RPS8: variants seen among roughly 807,000 people sequenced by gnomAD.
The protein encoded by RPS8 is ribosomal protein S8.
For synonymous variants in RPS8, 100 were observed against 100.7 expected (o/e 0.99, Z 0.04); for missense variants, 141 against 269.7 (o/e 0.52, Z 3.34).
At position 44,776,777 on chromosome 1, in the gene RPS8, G is replaced by A; in HGVS notation, c.211+3G>A. ...GAATTTCTCCTGGGGCTCAGAGTGT[G>A]AGTGAGGCCCTTTGGGAGTGGGTGG... is the stretch of plus-strand genomic sequence containing the variant. On this transcript the variant is annotated splice_donor_region_variant and intron_variant, in intron 3 of 5. Transcript: ENST00000396651. 1 of 1,595,076 alleles carries A rather than the reference G, an allele frequency of 6.3e-7. No individual in the cohort carries two copies. The highest frequency in any genetic ancestry group is 1.1e-5 in the South Asian group (1 of 89,468).
In RPS8 at chr1:44,776,794, A is replaced by G. The variant is rs115967171; in HGVS notation, c.211+20A>G. 6.6e-4 allele frequency: 1,025 copies of G among 1,560,822 alleles called. 6 individuals carry two copies. The African/African-American group carries it at 9.4e-3, about 14-fold the overall frequency. On this transcript the variant is annotated intron_variant, in intron 3 of 5. Coordinates refer to ENST00000396651, the MANE Select transcript of RPS8 (RefSeq NM_001012.2). ...CAGAGTGTGAGTGAGGCCCTTTGGG[A>G]GTGGGTGGGAAAACGCACCTAAACG... is the stretch of plus-strand genomic sequence containing the variant.
chr1:44,776,967 T>G (rs1650878256), intron 3 of RPS8, 193 bp downstream of exon 3: 1 of 516,658 alleles, frequency 1.9e-6, no homozygotes, highest in Non-Finnish European at 3.4e-6. Flanking sequence ...AAAAAAAGAT[T>G]CAAGTGCTTT....
Position 44,778,586 on chromosome 1 carries a change from T to A in RPS8, c.528T>A (p.Ala176=), listed in dbSNP as rs766291637. The change falls in exon 6 of 6, where the codon GCT becomes GCA. Residue 176 remains alanine, a synonymous_variant. Transcript: ENST00000396651. ...FQQGKLLACI[A]SRPGQCGRAD... ...CCTACTCTCTTGCAGCGTGCATCGC[T>A]TCAAGGCCGGGACAGTGTGGCCGAG... 6.2e-7 allele frequency: 1 copy of A among 1,613,874 alleles called. No homozygotes were observed. Among genetic ancestry groups the A allele is most frequent in the Non-Finnish European group, 8.5e-7 (1 of 1,179,782 alleles).
intron 4 of RPS8, 57 bp downstream of exon 4, chr1:44,777,846 C>A (rs763237517): frequency 6.3e-7 from 1 of 1,592,480 alleles, no homozygotes. Flanking sequence ...CCAGCCTTCT[C>A]GTGATGAAAA....
intron 3 of RPS8, 63 bp from the exon 4 acceptor site, chr1:44,777,551 G>C (rs1650900436): frequency 2.2e-6 from 3 of 1,355,098 alleles, no homozygotes; most frequent in Non-Finnish European, 3.1e-6. Context: ...GAAGAACCTG[G>C]AGGAGTGTGC....
intron 2 of RPS8, 106 bp from the exon 3 acceptor site, chr1:44,776,569 C>T (rs377221663): frequency 1.1e-6 from 1 of 942,320 alleles, no homozygotes; most frequent in Non-Finnish European, 1.8e-6. Flanking sequence ...AATGCAAGGA[C>T]TTGTCATAGT....
intron 3 of RPS8, 63 bp from the exon 4 acceptor site, chr1:44,777,551 G>A (rs1650900436): frequency 5.2e-6 from 7 of 1,355,216 alleles, no homozygotes; most frequent in Non-Finnish European, 7.3e-6. Context: ...GAAGAACCTG[G>A]AGGAGTGTGC....
At chr1:44,777,473 C>T (rs1183640049) in intron 3 of RPS8, 141 bp from the exon 4 acceptor site, 10 of 692,246 alleles carry the variant, frequency 1.4e-5, no homozygotes, top group African/African-American at 3.6e-5. Context: ...TTGTGGAAGA[C>T]GAACTGATGC....
chr1:44,776,264 C>G, intron 2 of RPS8, 124 bp downstream of exon 2: 1 of 692,712 alleles, frequency 1.4e-6, no homozygotes, highest in East Asian at 2.7e-5. Flanking sequence ...GTAGTAGGGC[C>G]TGGGTGTCCT....
In RPS8 at chr1:44,775,552, GAA is replaced by G; in HGVS notation, c.-44_-43del. 6.2e-7 allele frequency: 1 copy of G among 1,613,854 alleles called. No individual in the cohort carries two copies. The highest frequency in any genetic ancestry group is 8.5e-7 in the Non-Finnish European group (1 of 1,179,752). On this transcript the variant is annotated 5_prime_UTR_variant, in exon 1 of 6. Coordinates refer to ENST00000396651, the MANE Select transcript of RPS8 (RefSeq NM_001012.2). Reference sequence around the variant, plus strand: ...GGGGCGGGGCAGCGTTTTACAAACCGAACCGTGAATCTTTGCGGTTTCTCTTT... The same window carrying G: ...GGGGCGGGGCAGCGTTTTACAAACCGCCGTGAATCTTTGCGGTTTCTCTTT...
intron 2 of RPS8, chr1:44,776,447 G>A (rs1279027795): frequency 2.6e-6 from 2 of 756,384 alleles, no homozygotes; most frequent in Non-Finnish European, 4.8e-6. Context: ...TTTTACAGAG[G>A]CTTAATTTTC....
chr1:44,778,284 T>A, intron 5 of RPS8, 155 bp downstream of exon 5: 1 of 971,542 alleles, frequency 1.0e-6, no homozygotes, highest in Non-Finnish European at 1.7e-6. Flanking sequence ...TTGGTCACCC[T>A]ATTCGTATGA....
rs192753721 is a variant in RPS8 at position 44,776,479 on chromosome 1, C to T, written c.112-196C>T. The T allele has an allele frequency of 2.2e-5, 17 of 763,918 alleles. No homozygotes were observed. The Admixed American group carries it at 2.4e-4, about 11-fold the overall frequency. The allele number at this position is 763,918 out of a possible 1,614,324, so 47.3% of individuals were successfully genotyped here. A position where few individuals can be genotyped will look rare whatever the true frequency, so the allele number is the denominator to read the frequency against. On this transcript the variant is annotated intron_variant, in intron 2 of 5. Coordinates refer to ENST00000396651, the MANE Select transcript of RPS8 (RefSeq NM_001012.2). ...TTTCAGCATTTGGGGTCAGGCTTTC[C>T]TCTTGGAGGCAAGTAGGGTGATGAA...
chr1:44,778,244 A>G, intron 5 of RPS8, 115 bp downstream of exon 5: 1 of 1,321,124 alleles, frequency 7.6e-7, no homozygotes, highest in Non-Finnish European at 1.1e-6. Flanking sequence ...GGGTTCACTG[A>G]TAACAGGCTG....
At chr1:44,778,533 G>T (rs1650947278) in intron 5 of RPS8, 43 bp from the exon 6 acceptor site, 1 of 1,519,448 alleles carries the variant, frequency 6.6e-7, no homozygotes, top group South Asian at 1.1e-5. Context: ...GTTTGGGTAG[G>T]GCCACCTTGT....
In RPS8 at chr1:44,778,653, C is replaced by G. The variant is rs1061674; in HGVS notation, c.595C>G (p.Leu199Val). 3.1e-6 allele frequency: 5 copies of G among 1,612,890 alleles called. No individual in the cohort carries two copies. In the East Asian group the frequency reaches 1.1e-4, roughly 36 times the overall value. ...VLEGKELEFY[L>V]RKIKARKGK is the part of the protein sequence containing the mutation. ...AGAGGGCAAAGAGTTGGAGTTCTAT[C>G]TTAGGAAAATCAAGGCCCGCAAAGG... The change falls in exon 6 of 6, where the codon CTT becomes GTT. Residue 199 changes from leucine (L) to valine (V), a missense_variant. By Grantham distance (32) the Leu-to-Val change is conservative. Transcript: ENST00000396651.
chr1:44,778,494 C>A (rs1650945950), intron 5 of RPS8, 82 bp from the exon 6 acceptor site: 2 of 1,136,130 alleles, frequency 1.8e-6, no homozygotes, highest in Non-Finnish European at 1.3e-6. Flanking sequence ...GGTACCTGAA[C>A]CCACAGAGAT....
intron 5 of RPS8, 52 bp downstream of exon 5, chr1:44,778,181 G>C (rs76452876): frequency 1.9e-6 from 3 of 1,587,530 alleles, no homozygotes; most frequent in African/African-American, 1.4e-5. Context: ...TGAGTGTGCC[G>C]AGGCACTTTT....
chr1:44,778,566 T>C lies in RPS8; in HGVS notation c.518-10T>C. 1 of 1,609,016 alleles carries C rather than the reference T, an allele frequency of 6.2e-7. No individual in the cohort carries two copies. The highest frequency in any genetic ancestry group is 8.5e-7 in the Non-Finnish European group (1 of 1,175,462). ...TGTCGTTGTGCTAAGGATCACCTAC[T>C]CTCTTGCAGCGTGCATCGCTTCAAG... On this transcript the variant is annotated splice_polypyrimidine_tract_variant and intron_variant, in intron 5 of 5. Coordinates refer to ENST00000396651, the MANE Select transcript of RPS8 (RefSeq NM_001012.2).
Sources: gnomAD v4.1 joint callset for allele counts on GRCh38, gnomAD v4.1.1 for gene constraint, MANE v1.5 for transcripts, NCBI Gene and HGNC (gene_info 2026-07-23, HGNC 2026-07-21) for gene names.